CREB5: variants seen among roughly 807,000 people sequenced by gnomAD.
The protein encoded by CREB5 is cyclic AMP-responsive element-binding protein 5.
In CREB5, 19 loss-of-function variants were observed where a neutral mutation model predicts 57.1. The observed-to-expected ratio is 0.33, with a 90% CI of 0.23 to 0.49. The LOEUF is 0.49. Among genes scored for constraint, CREB5 ranks in the 20% least tolerant of loss-of-function variants. The pLI is 0.99. For synonymous variants in CREB5, 238 were observed against 238.3 expected, an observed-to-expected ratio of 1.00 and a Z score of 0.01; for missense variants, 579 against 671.6, an observed-to-expected ratio of 0.86 and a Z score of 1.52.
intron 1 of CREB5, among the ~76,000 whole-genome samples, chr7:28,457,510 T>G (rs1158093665): frequency 6.6e-6 from 1 of 152,182 alleles, no homozygotes; most frequent in Non-Finnish European, 1.5e-5. Context: ...TTTTAACACT[T>G]AAAAAAATTT....
chr7:28,511,281 G>A (rs1439057505), intron 4 of CREB5, among the ~76,000 whole-genome samples: 1 of 151,880 alleles, frequency 6.6e-6, no homozygotes, highest in East Asian at 1.9e-4. Context: ...AACCAGGTAC[G>A]TACTGGGGAG....
chr7:28,499,585 C>A (rs1389110750), intron 3 of CREB5, among the ~76,000 whole-genome samples: 1 of 152,032 alleles, frequency 6.6e-6, no homozygotes, highest in Non-Finnish European at 1.5e-5. Flanking sequence ...AACCGTGTGT[C>A]TTTTTGTTTT....
rs377120729 is a variant in CREB5 at position 28,315,992 on chromosome 7, G to A, written c.-25+16551G>A. 3.9e-5 allele frequency among the ~76,000 whole-genome samples: 6 copies of A among 152,306 alleles called. No individual in the cohort carries two copies. The South Asian group carries it at 1.0e-3, about 26-fold the overall frequency. On this transcript the variant is annotated intron_variant, in intron 1 of 9. Coordinates refer to the CREB5 transcript ENST00000396299. ...CTGCCAACCACATTTCCTCCGGGGAGTTTTTCGGCAAGTGCTGTAAAAGAG... is the reference window on the plus strand; with the variant it reads ...CTGCCAACCACATTTCCTCCGGGGAATTTTTCGGCAAGTGCTGTAAAAGAG...
At position 28,811,959 on chromosome 7, in the gene CREB5, G is replaced by T. The variant is rs567683305; in HGVS notation, c.1254+2545G>T. Among the ~76,000 whole-genome samples, 106 of 152,284 alleles carry T rather than the reference G, an allele frequency of 7.0e-4. 1 individual carries two copies. Among genetic ancestry groups the T allele is most frequent in the African/African-American group, 2.4e-3 (100 of 41,552 alleles). On this transcript the variant is annotated intron_variant, in intron 9 of 10. Transcript: ENST00000357727. ...CAAACATGTAGGTTTTCTCAATCTT[G>T]GCCCTATTGACTTCCGGGCTTGATC...
intron 4 of CREB5, among the ~76,000 whole-genome samples, chr7:28,558,845 T>G (rs931952078): frequency 6.6e-6 from 1 of 152,322 alleles, no homozygotes; most frequent in East Asian, 1.9e-4. Flanking sequence ...AGCATCCTTG[T>G]GGTACTTTTA....
intron 1 of CREB5, among the ~76,000 whole-genome samples, chr7:28,311,798 T>G (rs372180073): frequency 6.6e-6 from 1 of 152,206 alleles, no homozygotes; most frequent in Non-Finnish European, 1.5e-5. Flanking sequence ...AACTAACCAG[T>G]GCATGGAGTT....
chr7:28,425,828 C>T (rs1227818118), intron 1 of CREB5, among the ~76,000 whole-genome samples: 1 of 152,190 alleles, frequency 6.6e-6, no homozygotes, highest in Non-Finnish European at 1.5e-5. Context: ...GCACCTTTGA[C>T]ATTTTCCAAC....
At chr7:28,479,719 C>T (rs900896554) in intron 1 of CREB5, among the ~76,000 whole-genome samples, 9 of 152,158 alleles carry the variant, frequency 5.9e-5, no homozygotes, top group South Asian at 4.2e-4. Context: ...CTGCTGGGGT[C>T]GTGGGAAAAA....
intron 5 of CREB5, among the ~76,000 whole-genome samples, chr7:28,593,216 GTTT>G (rs70977060): frequency 6.6e-6 from 1 of 151,966 alleles, no homozygotes. Flanking sequence ...GTTGAATCAA[GTTT>G]TTTTATTTTA....
At chr7:28,751,786 C>G (rs1332354911) in intron 7 of CREB5, among the ~76,000 whole-genome samples, 1 of 152,174 alleles carries the variant, frequency 6.6e-6, no homozygotes, top group African/African-American at 2.4e-5. Context: ...TCATATTTCC[C>G]TATTTTTTTC....
At chr7:28,684,440 A>G (rs774505858) in intron 5 of CREB5, among the ~76,000 whole-genome samples, 1 of 151,906 alleles carries the variant, frequency 6.6e-6, no homozygotes, top group Non-Finnish European at 1.5e-5. Flanking sequence ...CCCCACCCCA[A>G]CCCCCAGGGT....
intron 7 of CREB5, among the ~76,000 whole-genome samples, chr7:28,737,281 A>G (rs1804032888): frequency 6.6e-6 from 1 of 151,710 alleles, no homozygotes; most frequent in African/African-American, 2.4e-5. Context: ...TAAGAATAAA[A>G]TTTTTTGCTG....
chr7:28,518,803 T>C (rs1302210438), intron 4 of CREB5, among the ~76,000 whole-genome samples: 1 of 152,182 alleles, frequency 6.6e-6, no homozygotes, highest in Admixed American at 6.5e-5. Flanking sequence ...CCCATGTGGA[T>C]TGTGAGGATG....
chr7:28,435,402 TG>T (rs1453967763), intron 1 of CREB5, among the ~76,000 whole-genome samples: 39 of 148,908 alleles, frequency 2.6e-4, no homozygotes, highest in African/African-American at 8.9e-4. Context: ...TTTTTTTTTT[TG>T]GTCTGGGAGA....
intron 5 of CREB5, among the ~76,000 whole-genome samples, chr7:28,590,183 T>C (rs1458330104): frequency 2.0e-5 from 3 of 152,134 alleles, no homozygotes; most frequent in Non-Finnish European, 4.4e-5. Flanking sequence ...ACTGGGTATA[T>C]ACCCAAAGGA....
intron 7 of CREB5, among the ~76,000 whole-genome samples, chr7:28,737,485 TTCTCTC>T (rs142651748): frequency 4.4e-5 from 6 of 135,198 alleles, no homozygotes; most frequent in African/African-American, 1.1e-4. Context: ...ACATAGTAAT[TTCTCTC>T]TCTCTCTCTC....
At chr7:28,701,993 GC>G (rs1415643963) in intron 5 of CREB5, among the ~76,000 whole-genome samples, 4 of 152,148 alleles carry the variant, frequency 2.6e-5, no homozygotes, top group Non-Finnish European at 4.4e-5. Flanking sequence ...TGTCCACTCT[GC>G]CCTATCACTC....
At chr7:28,543,753 A>AG (rs957515082) in intron 4 of CREB5, among the ~76,000 whole-genome samples, 8 of 151,934 alleles carry the variant, frequency 5.3e-5, no homozygotes, top group Admixed American at 4.6e-4. Context: ...ATATAACAGC[A>AG]GGGCATTCTG....
intron 2 of CREB5, among the ~76,000 whole-genome samples, chr7:28,490,236 T>G (rs562389079): frequency 1.3e-5 from 2 of 152,344 alleles, no homozygotes; most frequent in Admixed American, 1.3e-4. Flanking sequence ...AAGTCTATAA[T>G]CACATGATCA....
Sources: gnomAD v4.1 joint callset for allele counts (sites outside exome capture counted in the v4.1 genomes callset) on GRCh38, gnomAD v4.1.1 for gene constraint, MANE v1.5 for transcripts, NCBI Gene and HGNC (gene_info 2026-07-23, HGNC 2026-07-21) for gene names.